Variants in MTA3 observed in about 807,000 individuals in gnomAD.
The protein encoded by MTA3 is metastasis-associated protein MTA3.
In MTA3, 34 loss-of-function variants were observed where a neutral mutation model predicts 83.5. That is an observed-to-expected ratio of 0.41 (90% CI 0.31 to 0.54). The LOEUF (loss-of-function observed/expected upper bound fraction) is 0.54. Among genes scored for constraint, MTA3 ranks in the 20% least tolerant of loss-of-function variants. MTA3 has a pLI of 0.33. For synonymous variants in MTA3, 303 were observed against 252.7 expected (o/e 1.20, Z -1.89); for missense variants, 761 against 726.4 (o/e 1.05, Z -0.55).
At chr2:42,563,831 C>CCTTCCTTCCTTA (rs1468990559), upstream of MTA3, among the ~76,000 whole-genome samples, 2 of 134,542 alleles carry the variant, frequency 1.5e-5, no homozygotes, top group Admixed American at 1.5e-4. Context: ...TTCCTTCCTT[C>CCTTCCTTCCTTA]CTTTCTTTTT....
intron 3 of MTA3, among the ~76,000 whole-genome samples, chr2:42,580,663 T>C (rs1029090375): frequency 1.3e-5 from 2 of 151,902 alleles, no homozygotes; most frequent in African/African-American, 4.8e-5. Flanking sequence ...TGACATGATC[T>C]CAGCTCACTG....
In MTA3 at chr2:42,718,993, G is replaced by A; in HGVS notation, c.1531G>A (p.Asp511Asn). ...ATGTTTCTTTCTCTCCTCAGATGCA[G>A]ACAGACATGCTGAACTATCTGGAAG... ...NYAAIRAEYA[D>N]RHAELSGSPL... Residue 511 changes from aspartate (D) to asparagine (N), a missense_variant, in exon 15 of 17, where the codon GAC becomes AAC. Physicochemically the swap from Asp to Asn is conservative, Grantham distance 23. Transcript: ENST00000405094. 1.3e-6 allele frequency: 2 copies of A among 1,549,976 alleles called. No individual in the cohort carries two copies. Among genetic ancestry groups the A allele is most frequent in the East Asian group, 2.4e-5 (1 of 40,888 alleles).
intron 8 of MTA3, among the ~76,000 whole-genome samples, chr2:42,667,578 G>GTGTGTGTGTTTGTGTGTT (rs1553379083): frequency 1.5e-5 from 2 of 129,812 alleles, no homozygotes; most frequent in Non-Finnish European, 3.4e-5. Flanking sequence ...AATTGTGTGT[G>GTGTGTGTGTTTGTGTGTT]TGTGTGTGTG....
intron 2 of MTA3, among the ~76,000 whole-genome samples, chr2:42,543,443 T>G: frequency 6.6e-6 from 1 of 152,060 alleles, no homozygotes; most frequent in Middle Eastern, 3.2e-3. Flanking sequence ...CCCAAAGTGG[T>G]GGGTTTACAG....
intron 4 of MTA3, among the ~76,000 whole-genome samples, chr2:42,623,248 C>T (rs1685749157): frequency 6.6e-6 from 1 of 152,200 alleles, no homozygotes; most frequent in Non-Finnish European, 1.5e-5. Flanking sequence ...TGGCGTGTGC[C>T]TTGGAATGCA....
At chr2:42,658,070 T>TAAAAAAAA (rs1689328354) in intron 7 of MTA3, among the ~76,000 whole-genome samples, 1 of 36,748 alleles carries the variant, frequency 2.7e-5, no homozygotes, top group Non-Finnish European at 4.3e-5. Context: ...AGACTCTGTC[T>TAAAAAAAA]CAAAAAAAAA....
upstream of MTA3, among the ~76,000 whole-genome samples, chr2:42,566,112 C>G (rs1434016470): frequency 1.3e-5 from 2 of 152,084 alleles, no homozygotes; most frequent in Admixed American, 6.5e-5. Context: ...GTAACTTGCT[C>G]AAGGTCTTTA....
intron 8 of MTA3, among the ~76,000 whole-genome samples, chr2:42,660,111 A>G (rs1021340179): frequency 2.0e-5 from 3 of 149,572 alleles, no homozygotes; most frequent in African/African-American, 7.4e-5. Flanking sequence ...ATATTTGGAG[A>G]TGGAGTCTTG....
At chr2:42,622,318 A>C (rs944904280) in intron 4 of MTA3, among the ~76,000 whole-genome samples, 1 of 150,716 alleles carries the variant, frequency 6.6e-6, no homozygotes, top group Non-Finnish European at 1.5e-5. Flanking sequence ...AGGCAGGAGA[A>C]TCAGACAGGG....
chr2:42,713,936 C>T (rs914258839), intron 14 of MTA3, among the ~76,000 whole-genome samples: 1 of 152,154 alleles, frequency 6.6e-6, no homozygotes, highest in Admixed American at 6.5e-5. Flanking sequence ...CAAGATAGAT[C>T]CCTAAAAGTT....
chr2:42,602,660 A>T (rs1273170574), intron 3 of MTA3, among the ~76,000 whole-genome samples: 1 of 152,026 alleles, frequency 6.6e-6, no homozygotes, highest in East Asian at 1.9e-4. Context: ...TTTGCTGGGG[A>T]CTGAGGGGTT....
intron 2 of MTA3, among the ~76,000 whole-genome samples, chr2:42,545,427 G>T (rs1277500498): frequency 1.3e-5 from 2 of 152,170 alleles, no homozygotes; most frequent in Non-Finnish European, 2.9e-5. Flanking sequence ...AAAACACAAG[G>T]CATTGTCAGT....
chr2:42,674,740 A>AG (rs1191765840), intron 8 of MTA3, among the ~76,000 whole-genome samples: 2 of 151,580 alleles, frequency 1.3e-5, no homozygotes, highest in Non-Finnish European at 2.9e-5. Context: ...CTGGGACTAC[A>AG]GGCGCGTGCC....
chr2:42,668,001 C>A (rs1281024643), intron 8 of MTA3, among the ~76,000 whole-genome samples: 1 of 152,288 alleles, frequency 6.6e-6, no homozygotes, highest in South Asian at 2.1e-4. Context: ...TGTAGCCCGG[C>A]GCAAGTTACT....
At chr2:42,497,302 A>G (rs1674180420) in intron 2 of MTA3, among the ~76,000 whole-genome samples, 1 of 150,598 alleles carries the variant, frequency 6.6e-6, no homozygotes, top group South Asian at 2.1e-4. Flanking sequence ...TAAAGTCCAA[A>G]TTGGCCAGGC....
rs540275287 is a variant in MTA3 at position 42,603,277 on chromosome 2, A to G, written c.191-6181A>G. 7.2e-5 allele frequency among the ~76,000 whole-genome samples: 11 copies of G among 152,238 alleles called. No homozygotes were observed. In the South Asian group the frequency reaches 1.7e-3, roughly 23 times the overall value. ...GCCTTTTTATCAAAACGGGAGAAAT[A>G]GAAATTGTGTTTTAGGAAGCTGCTT... On this transcript the variant is annotated intron_variant, in intron 3 of 16. Transcript: ENST00000405094.
At position 42,731,728 on chromosome 2, in the gene MTA3, G is replaced by T. The variant is rs1298744061; in HGVS notation, c.1759+8693G>T. 2.0e-5 allele frequency among the ~76,000 whole-genome samples: 3 copies of T among 152,114 alleles called. No individual in the cohort carries two copies. The East Asian group carries it at 5.8e-4, about 29-fold the overall frequency. On this transcript the variant is annotated intron_variant, in intron 16 of 16. Transcript: ENST00000405094. The stretch of plus-strand genomic sequence containing the variant: ...ATCCTCACATTTCAAAACCAATCAT[G>T]CCTTCCCAACAGTCCCCCAAAGTCT...
chr2:42,632,382 G>A (rs540249840), intron 4 of MTA3, among the ~76,000 whole-genome samples: 10 of 152,016 alleles, frequency 6.6e-5, no homozygotes, highest in Non-Finnish European at 1.2e-4. Flanking sequence ...GAGCCACCGC[G>A]CCCAGCCCCC....
intron 6 of MTA3, 70 bp from the exon 7 acceptor site, chr2:42,656,130 G>C (rs1339013720): frequency 8.8e-7 from 1 of 1,134,226 alleles, no homozygotes; most frequent in Non-Finnish European, 1.3e-6. Flanking sequence ...TATGGTGACA[G>C]TTGTCATCAG....
Sources: allele counts gnomAD v4.1 joint callset (sites outside exome capture counted in the v4.1 genomes callset), GRCh38; gene constraint gnomAD v4.1.1; transcripts MANE v1.5; gene names NCBI Gene and HGNC (gene_info 2026-07-23, HGNC 2026-07-21).